Variants in LYG1 observed in about 807,000 individuals in gnomAD.
LYG1 encodes the protein lysozyme g1, also known as lysozyme g-like protein 1.
In LYG1, 17 loss-of-function variants were observed where a neutral mutation model predicts 21.7. That is an observed-to-expected ratio of 0.78 (90% CI 0.54 to 1.18). The LOEUF (loss-of-function observed/expected upper bound fraction) is 1.18, where lower values mean the gene tolerates loss of function less well. Among genes scored for constraint, LYG1 ranks in the 50% most tolerant of loss-of-function variants. LYG1 has a pLI of 0.00. For missense variants in LYG1, 211 were observed against 238.1 expected (o/e 0.89, Z 0.75); for synonymous variants, 81 against 87.4 (o/e 0.93, Z 0.41).
In LYG1 at chr2:99,296,457, GCTCT is replaced by G. The variant is rs893848888; in HGVS notation, c.-32-759_-32-756del. 4.0e-5 allele frequency among the ~76,000 whole-genome samples: 6 copies of G among 151,286 alleles called. No individual in the cohort carries two copies. The South Asian group carries it at 8.3e-4, about 21-fold the overall frequency. ...GCCAACATGGAGCACCCGCTCATGT[GCTCT>G]CTCTCTCTCTTATCCCAACCATTCC... is the stretch of plus-strand genomic sequence containing the variant. On this transcript the variant is annotated intron_variant, in intron 2 of 6. Transcript: ENST00000308528.
At chr2:99,294,968 G>C (rs978687185) in intron 3 of LYG1, among the ~76,000 whole-genome samples, 1 of 152,102 alleles carries the variant, frequency 6.6e-6, no homozygotes, top group Non-Finnish European at 1.5e-5. Flanking sequence ...CGGGTGTAGT[G>C]ACAGGCGCCT....
At position 99,291,312 on chromosome 2, in the gene LYG1, G is replaced by T. The variant is rs762574941; in HGVS notation, c.258C>A (p.Ile86=). Reference sequence around the variant, plus strand: ...GAGACTTCCTGGACAAGACACCAGCGATCACGGCAGGATCCATGCAGTACT... The same window carrying T: ...GAGACTTCCTGGACAAGACACCAGCTATCACGGCAGGATCCATGCAGTACT... The part of the protein sequence containing the change: ...GQKYCMDPAV[I]AGVLSRKSPG... Residue 86 remains isoleucine, a synonymous_variant, in exon 5 of 7, where the codon ATC becomes ATA. Transcript: ENST00000308528. 1.2e-6 allele frequency: 2 copies of T among 1,613,514 alleles called. No individual in the cohort carries two copies. The highest frequency in any genetic ancestry group is 8.5e-7 in the Non-Finnish European group (1 of 1,179,646).
chr2:99,287,815 G>T (rs1042497392), intron 5 of LYG1, among the ~76,000 whole-genome samples: 1 of 151,976 alleles, frequency 6.6e-6, no homozygotes, highest in African/African-American at 2.4e-5. Context: ...TGAAATTTTT[G>T]AGGATTTCTT....
intron 5 of LYG1, among the ~76,000 whole-genome samples, chr2:99,289,837 T>C (rs550223817): frequency 7.3e-6 from 1 of 137,880 alleles, no homozygotes; most frequent in South Asian, 2.3e-4. Context: ...GAGAATTCTC[T>C]TGTTTGTTGT....
chr2:99,295,789 AAAG>A, intron 2 of LYG1, 87 bp from the exon 3 acceptor site: 1 of 1,346,506 alleles, frequency 7.4e-7, no homozygotes, highest in Non-Finnish European at 1.1e-6. Flanking sequence ...GCAGGGGTGA[AAAG>A]AACAAATTTC....
intron 5 of LYG1, among the ~76,000 whole-genome samples, chr2:99,287,665 T>A (rs1331333449): frequency 6.6e-6 from 1 of 152,174 alleles, no homozygotes; most frequent in African/African-American, 2.4e-5. Flanking sequence ...TAAGTTTCAC[T>A]ATGATTTGTT....
chr2:99,302,061 C>T (rs1316142059), upstream of LYG1, among the ~76,000 whole-genome samples: 3 of 152,200 alleles, frequency 2.0e-5, no homozygotes, highest in African/African-American at 4.8e-5. Flanking sequence ...CCAAACACAG[C>T]GCCATTCTTT....
rs397702303 is a variant in LYG1 at position 99,289,469 on chromosome 2, A to AAT, written c.333+1767_333+1768insAT. On this transcript the variant is annotated intron_variant, in intron 5 of 6. Coordinates refer to ENST00000308528, the MANE Select transcript of LYG1 (RefSeq NM_174898.3). The stretch of plus-strand genomic sequence containing the variant: ...AGACCCTGTCTTAAAAAAAAAAAAA[A>AAT]TCTGTTAAGATGATAGATCTCATGT... 2.9e-3 allele frequency among the ~76,000 whole-genome samples: 432 copies of AAT among 150,872 alleles called. 2 individuals carry two copies. The highest frequency in any genetic ancestry group is 9.9e-3 in the African/African-American group (406 of 41,058).
At chr2:99,288,201 A>C (rs1331561046) in intron 5 of LYG1, among the ~76,000 whole-genome samples, 1 of 152,192 alleles carries the variant, frequency 6.6e-6, no homozygotes, top group Admixed American at 6.5e-5. Flanking sequence ...GATAAATTCA[A>C]TCTTTTTTGT....
At chr2:99,295,538 G>A in intron 3 of LYG1, 90 bp downstream of exon 3, 1 of 1,449,790 alleles carries the variant, frequency 6.9e-7, no homozygotes, top group Non-Finnish European at 9.7e-7. Flanking sequence ...AATCTTTTTT[G>A]TTGCATTTTC....
chr2:99,302,888 C>T (rs887762912), upstream of LYG1, among the ~76,000 whole-genome samples: 3 of 151,906 alleles, frequency 2.0e-5, no homozygotes, highest in African/African-American at 7.3e-5. Flanking sequence ...CATGGTGGCA[C>T]ACACCAGTAA....
chr2:99,296,190 C>T (rs1177464288), intron 2 of LYG1, among the ~76,000 whole-genome samples: 1 of 152,176 alleles, frequency 6.6e-6, no homozygotes. Context: ...CTGGAATGTA[C>T]ACTGGTTGGA....
upstream of LYG1, among the ~76,000 whole-genome samples, chr2:99,301,393 AAGAG>A (rs796705471): frequency 6.7e-6 from 1 of 149,490 alleles, no homozygotes; most frequent in Admixed American, 6.8e-5. Flanking sequence ...ACAAGGAAGG[AAGAG>A]AGAGAGAAAG....
rs750433758 is a variant in LYG1, at chr2:99,292,540, G to T, written c.144C>A (p.Tyr48Ter). ...CGIGRRHGLN[Y>*]CGVRASERLA... The stretch of plus-strand genomic sequence containing the variant: ...AGGGCGAAAGCTCATAGCTACCACA[G>T]TAGTTCAGGCCGTGACGTCTTCCAA... The change falls in exon 4 of 7, where the codon TAC (tyrosine) becomes TAA (stop). Residue 48 changes from tyrosine to a stop codon, truncating the protein, a stop_gained. Transcript: ENST00000308528. LOFTEE classifies it high-confidence loss of function. The T allele has an allele frequency of 6.2e-7, 1 of 1,612,438 alleles. No individual in the cohort carries two copies. Among genetic ancestry groups the T allele is most frequent in the Non-Finnish European group, 8.5e-7 (1 of 1,178,484 alleles).
intron 5 of LYG1, among the ~76,000 whole-genome samples, chr2:99,287,503 G>T (rs1273467797): frequency 7.9e-5 from 12 of 152,080 alleles, no homozygotes; most frequent in African/African-American, 2.9e-4. Flanking sequence ...GAACAAACCT[G>T]CACATAAACC....
chr2:99,301,484 G>C (rs2094153910), upstream of LYG1, among the ~76,000 whole-genome samples: 7 of 35,820 alleles, frequency 2.0e-4, no homozygotes, highest in South Asian at 4.6e-3. Context: ...AGGGAAGGAA[G>C]AAAGAAAAGG....
chr2:99,295,704 T>C lies in LYG1; in HGVS notation c.-32-2A>G, dbSNP rs2094134166. 5.6e-6 allele frequency: 9 copies of C among 1,613,646 alleles called. No homozygotes were observed. The highest frequency in any genetic ancestry group is 7.6e-6 in the Non-Finnish European group (9 of 1,179,770). Reference sequence around the variant, plus strand: ...TCTGGCTCTACGGCTCCTGAAACACTTTTAAAACAAAAATTAGCTTGAGAA... The same window carrying C: ...TCTGGCTCTACGGCTCCTGAAACACCTTTAAAACAAAAATTAGCTTGAGAA... On this transcript the variant is annotated splice_acceptor_variant, in intron 2 of 6. Transcript: ENST00000308528. LOFTEE classifies it low-confidence loss of function (5UTR_SPLICE).
intron 5 of LYG1, among the ~76,000 whole-genome samples, chr2:99,289,424 C>T (rs1239330391): frequency 1.3e-5 from 2 of 150,280 alleles, no homozygotes; most frequent in African/African-American, 4.9e-5. Context: ...CCACTATACT[C>T]CAGCCTGGGT....
chr2:99,299,782 A>C (rs1419072918), intron 1 of LYG1, among the ~76,000 whole-genome samples: 1 of 151,312 alleles, frequency 6.6e-6, no homozygotes, highest in African/African-American at 2.4e-5. Flanking sequence ...GTTTTTTTAA[A>C]ATTTTTAAAT....
Sources: gnomAD v4.1 joint callset for allele counts (sites outside exome capture counted in the v4.1 genomes callset) on GRCh38, gnomAD v4.1.1 for gene constraint, MANE v1.5 for transcripts, NCBI Gene and HGNC (gene_info 2026-07-23, HGNC 2026-07-21) for gene names.